The following RALYL variants were observed in gnomAD, a reference collection of about 807,000 sequenced individuals.
The protein encoded by RALYL is RNA-binding Raly-like protein.
A neutral mutation model predicts 35.1 loss-of-function variants in RALYL; 29 were observed. The observed-to-expected ratio is 0.83, with a 90% CI of 0.61 to 1.13. The LOEUF (loss-of-function observed/expected upper bound fraction) is 1.13, where lower values mean the gene tolerates loss of function less well. Among genes scored for constraint, RALYL ranks in the 50% most tolerant of loss-of-function variants. The pLI is 0.00. For synonymous variants in RALYL, 120 were observed against 127.6 expected, an observed-to-expected ratio of 0.94 and a Z score of 0.40; for missense variants, 359 against 360.4, an observed-to-expected ratio of 1.00 and a Z score of 0.03.
At chr8:84,850,217 T>A (rs376349303) in intron 5 of RALYL, among the ~76,000 whole-genome samples, 190 bp downstream of exon 5, 1 of 152,162 alleles carries the variant, frequency 6.6e-6, no homozygotes, top group African/African-American at 2.4e-5. Flanking sequence ...GTACAGTGGA[T>A]CTTGGAATTT....
At chr8:84,772,121 A>C (rs1815675592) in intron 2 of RALYL, among the ~76,000 whole-genome samples, 1 of 151,970 alleles carries the variant, frequency 6.6e-6, no homozygotes, top group African/African-American at 2.4e-5. Context: ...TCCCTCACTG[A>C]TCTGCTATGT....
At chr8:84,915,873 C>G (rs1587218130) in intron 8 of RALYL, among the ~76,000 whole-genome samples, 1 of 151,940 alleles carries the variant, frequency 6.6e-6, no homozygotes, top group Admixed American at 6.6e-5. Flanking sequence ...AAATGTACTC[C>G]AGAAACACAA....
rs3068131 is a variant in RALYL at position 84,735,005 on chromosome 8, TTGTGTGTGTGTGTGTGTG to T, written c.257-39558_257-39541del. On this transcript the variant is annotated intron_variant, in intron 2 of 8. Transcript: ENST00000521268. ...AATAAAATGAAATATATAGATATGT[TTGTGTGTGTGTGTGTGTG>T]TGTGTGTGTGTGTGTATTCCATTTA... Among the ~76,000 whole-genome samples the T allele has an allele frequency of 1.5e-3, 220 of 146,664 alleles. 1 individual carries two copies. The highest frequency in any genetic ancestry group is 5.2e-3 in the African/African-American group (208 of 40,080).
At position 84,472,719 on chromosome 8, in the gene RALYL, T is replaced by C. The variant is rs140088620; in HGVS notation, c.-23-56580T>C. 8.7e-3 allele frequency among the ~76,000 whole-genome samples: 1,318 copies of C among 152,216 alleles called. 9 individuals carry two copies. Among genetic ancestry groups the C allele is most frequent in the Middle Eastern group, 0.02 (6 of 294 alleles). On this transcript the variant is annotated intron_variant, in intron 1 of 8. Coordinates refer to ENST00000521268, the MANE Select transcript of RALYL (RefSeq NM_173848.7). ...AAAAAAGTAGACAAGTTCAGATCCT[T>C]GAGTGAAATAAATCTGGCTACTAGT...
At chr8:84,247,410 AT>A (rs1237384886) in intron 1 of RALYL, among the ~76,000 whole-genome samples, 3 of 152,068 alleles carry the variant, frequency 2.0e-5, no homozygotes, top group Non-Finnish European at 4.4e-5. Context: ...CTGCCAACAC[AT>A]TACTGAATTT....
chr8:84,795,294 GA>G (rs1457577661), intron 3 of RALYL, among the ~76,000 whole-genome samples: 1 of 151,710 alleles, frequency 6.6e-6, no homozygotes, highest in Non-Finnish European at 1.5e-5. Flanking sequence ...AAAATATTAA[GA>G]CTCAATGTCT....
intron 2 of RALYL, among the ~76,000 whole-genome samples, chr8:84,722,155 A>G (rs1589196317): frequency 6.6e-6 from 1 of 152,164 alleles, no homozygotes; most frequent in Non-Finnish European, 1.5e-5. Context: ...AAAAAAAGCT[A>G]TTAGAATAAT....
intron 2 of RALYL, among the ~76,000 whole-genome samples, chr8:84,659,105 A>G (rs1830444453): frequency 1.3e-5 from 2 of 152,178 alleles, no homozygotes; most frequent in South Asian, 4.1e-4. Context: ...GTTACTGACC[A>G]AGGAGCTAGT....
chr8:84,297,668 C>G lies in RALYL; in HGVS notation c.-24+113244C>G, dbSNP rs528895723. Among the ~76,000 whole-genome samples, 114 of 152,252 alleles carry G rather than the reference C, an allele frequency of 7.5e-4. 4 individuals carry two copies. The South Asian group carries it at 0.022, about 29-fold the overall frequency. ...TTGAATTAATTTACATTCTAATCAA[C>G]AGTGGATAAGCATTTCTTTTTCTCT... On this transcript the variant is annotated intron_variant, in intron 1 of 8. Coordinates refer to ENST00000521268, the MANE Select transcript of RALYL (RefSeq NM_173848.7).
intron 1 of RALYL, among the ~76,000 whole-genome samples, chr8:84,224,262 AT>A (rs1313853091): frequency 6.6e-6 from 1 of 152,064 alleles, no homozygotes; most frequent in African/African-American, 2.4e-5. Flanking sequence ...CAAATGGCCC[AT>A]TTTCCACTTT....
At chr8:84,805,779 C>T (rs1210816007) in intron 4 of RALYL, among the ~76,000 whole-genome samples, 1 of 152,142 alleles carries the variant, frequency 6.6e-6, no homozygotes, top group African/African-American at 2.4e-5. Context: ...TAAGAATAAG[C>T]AATGTTGTTT....
At position 84,391,526 on chromosome 8, in the gene RALYL, T is replaced by C. The variant is rs369332579; in HGVS notation, c.-23-137773T>C. On this transcript the variant is annotated intron_variant, in intron 1 of 8. Transcript: ENST00000521268. ...CCCAAACCTCCTTTTCAGTTCATTGTACTATTTACCTCCAAATATGATTGT... is the reference window on the plus strand; with the variant it reads ...CCCAAACCTCCTTTTCAGTTCATTGCACTATTTACCTCCAAATATGATTGT... Among the ~76,000 whole-genome samples, 19 of 152,198 alleles carry C rather than the reference T, an allele frequency of 1.2e-4. 2 individuals are homozygous for C. In the South Asian group the frequency reaches 3.3e-3, roughly 27 times the overall value.
At chr8:84,495,981 C>A (rs1218062720) in intron 1 of RALYL, among the ~76,000 whole-genome samples, 1 of 151,880 alleles carries the variant, frequency 6.6e-6, no homozygotes, top group African/African-American at 2.4e-5. Flanking sequence ...TGAATTTTGT[C>A]TTTTATTTGT....
At chr8:84,191,316 T>C (rs1813823527) in intron 1 of RALYL, among the ~76,000 whole-genome samples, 1 of 152,108 alleles carries the variant, frequency 6.6e-6, no homozygotes, top group Non-Finnish European at 1.5e-5. Context: ...TAGCAGAGAA[T>C]ATTCTGAGAA....
chr8:84,437,865 G>C (rs373967840), intron 1 of RALYL, among the ~76,000 whole-genome samples: 2 of 152,090 alleles, frequency 1.3e-5, no homozygotes, highest in East Asian at 1.9e-4. Context: ...ATGATTGTAA[G>C]TTTCCAGAGG....
At chr8:84,335,751 C>T (rs1482137824) in intron 1 of RALYL, among the ~76,000 whole-genome samples, 1 of 125,070 alleles carries the variant, frequency 8.0e-6, no homozygotes, top group Non-Finnish European at 1.6e-5. Flanking sequence ...TTTGCCAAAT[C>T]ATTTGCTCAT....
intron 2 of RALYL, among the ~76,000 whole-genome samples, chr8:84,553,938 C>T (rs2060920917): frequency 6.6e-6 from 1 of 152,122 alleles, no homozygotes; most frequent in African/African-American, 2.4e-5. Context: ...ATCATCTTTC[C>T]ATACACATAA....
chr8:84,498,045 T>C (rs1008081880), intron 1 of RALYL, among the ~76,000 whole-genome samples: 1 of 151,904 alleles, frequency 6.6e-6, no homozygotes, highest in African/African-American at 2.4e-5. Flanking sequence ...GATGCTGAGG[T>C]TGGGGTTTGA....
At chr8:84,595,464 A>C (rs938446996) in intron 2 of RALYL, among the ~76,000 whole-genome samples, 1 of 152,156 alleles carries the variant, frequency 6.6e-6, no homozygotes, top group Non-Finnish European at 1.5e-5. Flanking sequence ...GAGTATCTAC[A>C]GTGTAGGTTT....
Sources: gnomAD v4.1 joint callset for allele counts (sites outside exome capture counted in the v4.1 genomes callset) on GRCh38, gnomAD v4.1.1 for gene constraint, MANE v1.5 for transcripts, NCBI Gene and HGNC (gene_info 2026-07-23, HGNC 2026-07-21) for gene names.